Variants in C9orf85 observed in about 807,000 individuals in gnomAD.
C9orf85 encodes the protein uncharacterized protein C9orf85.
Under a neutral mutation model 14.9 loss-of-function variants are expected in C9orf85, and 16 were observed. That is an observed-to-expected ratio of 1.08 (90% CI 0.73 to 1.63). The LOEUF is 1.63. Among genes scored for constraint, C9orf85 ranks in the 40% most tolerant of loss-of-function variants. C9orf85 has a pLI of 0.00. For missense variants in C9orf85, 172 were observed against 186.1 expected, an observed-to-expected ratio of 0.92 and a Z score of 0.44; for synonymous variants, 45 against 56.8, an observed-to-expected ratio of 0.79 and a Z score of 0.93.
intron 2 of C9orf85, among the ~76,000 whole-genome samples, chr9:71,949,975 A>C (rs926708234): frequency 2.6e-5 from 4 of 152,114 alleles, no homozygotes; most frequent in African/African-American, 9.7e-5. Flanking sequence ...TTCAGCTCAA[A>C]ATACTCAGTA....
chr9:71,965,220 C>A (rs1299881655), intron 2 of C9orf85, among the ~76,000 whole-genome samples: 1 of 152,130 alleles, frequency 6.6e-6, no homozygotes, highest in Non-Finnish European at 1.5e-5. Flanking sequence ...AATTATTGTC[C>A]CTCCCACTGC....
At chr9:71,941,506 T>A (rs1438484216) in intron 1 of C9orf85, among the ~76,000 whole-genome samples, 2 of 152,222 alleles carry the variant, frequency 1.3e-5, no homozygotes, top group African/African-American at 4.8e-5. Flanking sequence ...TAAACCTAAC[T>A]TCCACTTTAC....
rs1237983589 is a variant in C9orf85 at position 71,911,840 on chromosome 9, G to C, written c.102+4G>C. 1.2e-6 allele frequency: 2 copies of C among 1,613,112 alleles called. No individual in the cohort carries two copies. The highest frequency in any genetic ancestry group is 1.3e-5 in the African/African-American group (1 of 74,892). On this transcript the variant is annotated splice_donor_region_variant and intron_variant, in intron 1 of 3. Transcript: ENST00000334731. ...CGATAAAAGTGTGCAGACCAAGGTA[G>C]GAACCTGCCTGTTGCACCGTCTTTG...
intron 1 of C9orf85, among the ~76,000 whole-genome samples, chr9:71,930,141 T>C (rs1219283789): frequency 6.6e-6 from 1 of 152,120 alleles, no homozygotes; most frequent in East Asian, 1.9e-4. Context: ...TATTTTATAA[T>C]AAACTTTGTA....
chr9:71,947,478 T>G (rs1822131818), intron 2 of C9orf85, among the ~76,000 whole-genome samples: 2 of 152,188 alleles, frequency 1.3e-5, no homozygotes, highest in South Asian at 4.1e-4. Flanking sequence ...GATCAGACCT[T>G]TAGACCTTTT....
chr9:71,949,109 A>C (rs1163296696), intron 2 of C9orf85, among the ~76,000 whole-genome samples: 1 of 152,202 alleles, frequency 6.6e-6, no homozygotes, highest in Non-Finnish European at 1.5e-5. Flanking sequence ...ATTTTCAACA[A>C]GTTTTTATTC....
chr9:71,968,464 A>G lies in C9orf85; in HGVS notation c.210-3041A>G, dbSNP rs1285718680. ...GGAGAGTTTTTTTAGAGTTATGATT[A>G]AATTTTTCTTTAATGGATAGAGGAG... On this transcript the variant is annotated intron_variant, in intron 2 of 3. Transcript: ENST00000334731. 2.0e-5 allele frequency among the ~76,000 whole-genome samples: 3 copies of G among 151,536 alleles called. No homozygotes were observed. The East Asian group carries it at 5.8e-4, about 29-fold the overall frequency.
intron 2 of C9orf85, among the ~76,000 whole-genome samples, chr9:71,965,620 A>G (rs1283470478): frequency 2.0e-5 from 3 of 151,972 alleles, no homozygotes; most frequent in African/African-American, 7.2e-5. Flanking sequence ...TTTTGTATAG[A>G]TGGGGTCTCT....
chr9:71,953,230 C>G (rs759341539), intron 2 of C9orf85, among the ~76,000 whole-genome samples: 3 of 152,178 alleles, frequency 2.0e-5, no homozygotes, highest in Non-Finnish European at 4.4e-5. Context: ...TAGATACTCA[C>G]AAAGCCAAGG....
intron 3 of C9orf85, chr9:71,982,633 T>C (rs1417258814): frequency 6.4e-5 from 1 of 15,626 alleles, no homozygotes; most frequent in Non-Finnish European, 1.2e-4. Flanking sequence ...TGTATATTTC[T>C]TTTTTTTTTT....
At chr9:71,971,369 T>G in intron 2 of C9orf85, 136 bp from the exon 3 acceptor site, 1 of 476,154 alleles carries the variant, frequency 2.1e-6, no homozygotes, top group Non-Finnish European at 3.6e-6. Flanking sequence ...TAGAGTGACA[T>G]AAGATAAACA....
intron 1 of C9orf85, among the ~76,000 whole-genome samples, chr9:71,926,634 GAAAAAAAAA>G (rs58407244): frequency 8.6e-6 from 1 of 115,846 alleles, no homozygotes; most frequent in African/African-American, 3.1e-5. Flanking sequence ...CACTGCTGTT[GAAAAAAAAA>G]AAAAAAAAAA....
intron 2 of C9orf85, among the ~76,000 whole-genome samples, chr9:71,969,606 A>G (rs990931239): frequency 9.9e-5 from 15 of 152,116 alleles, no homozygotes; most frequent in Admixed American, 6.6e-5. Context: ...TTCTGTTCTT[A>G]TTACAGCACC....
intron 1 of C9orf85, among the ~76,000 whole-genome samples, chr9:71,940,562 G>A (rs1821896285): frequency 6.6e-6 from 1 of 152,114 alleles, no homozygotes; most frequent in Non-Finnish European, 1.5e-5. Context: ...CTATTTGAAT[G>A]GCTAAAGTAA....
chr9:71,923,665 T>C (rs1193659477), intron 1 of C9orf85, among the ~76,000 whole-genome samples: 1 of 152,218 alleles, frequency 6.6e-6, no homozygotes, highest in Non-Finnish European at 1.5e-5. Context: ...TCTGTGGTAC[T>C]CAGCTGACAG....
intron 1 of C9orf85, among the ~76,000 whole-genome samples, chr9:71,942,320 A>G (rs904065509): frequency 6.6e-6 from 1 of 152,256 alleles, no homozygotes; most frequent in African/African-American, 2.4e-5. Flanking sequence ...CACTTCAGTA[A>G]CAAGAATACT....
At chr9:71,924,818 C>T (rs1307016425) in intron 1 of C9orf85, among the ~76,000 whole-genome samples, 2 of 152,040 alleles carry the variant, frequency 1.3e-5, no homozygotes, top group Non-Finnish European at 2.9e-5. Context: ...TCATAAGGCA[C>T]TATAGTAATA....
chr9:71,921,753 A>G (rs1289778617), intron 1 of C9orf85, among the ~76,000 whole-genome samples: 3 of 152,082 alleles, frequency 2.0e-5, no homozygotes, highest in Admixed American at 6.6e-5. Flanking sequence ...GTAAATAAAC[A>G]TTCCTTTTTT....
At chr9:71,967,370 T>A (rs1483653437) in intron 2 of C9orf85, among the ~76,000 whole-genome samples, 1 of 152,220 alleles carries the variant, frequency 6.6e-6, no homozygotes, top group African/African-American at 2.4e-5. Flanking sequence ...ATTCCATTGA[T>A]CTGTGTGTCC....
Sources: gnomAD v4.1 joint callset for allele counts (sites outside exome capture counted in the v4.1 genomes callset) on GRCh38, gnomAD v4.1.1 for gene constraint, MANE v1.5 for transcripts, NCBI Gene and HGNC (gene_info 2026-07-23, HGNC 2026-07-21) for gene names.